CUBN: variants seen among roughly 807,000 people sequenced by gnomAD.
CUBN encodes the protein 460 kDa receptor.
A neutral mutation model predicts 405.3 loss-of-function variants in CUBN; 282 were observed. The ratio of observed to expected loss-of-function variants is 0.70; its 90% CI spans 0.63 to 0.77. The LOEUF is 0.77. CUBN is among the 30% of genes least tolerant of loss of function. The pLI, the probability that CUBN is intolerant of heterozygous loss-of-function variation, is 0.00. For missense variants in CUBN, 4,514 were observed against 4,475.2 expected (o/e 1.01, Z -0.25); for synonymous variants, 1,684 against 1,617.0 (o/e 1.04, Z -0.99).
chr10:17,128,312 G>A (rs1379746119), intron 2 of CUBN, among the ~76,000 whole-genome samples: 1 of 152,190 alleles, frequency 6.6e-6, no homozygotes, highest in Admixed American at 6.5e-5. Context: ...AAACTAGGGT[G>A]ACAATAAAGG....
intron 13 of CUBN, 71 bp from the exon 14 acceptor site, chr10:17,100,310 T>A: frequency 9.6e-7 from 1 of 1,039,160 alleles, no homozygotes; most frequent in Non-Finnish European, 1.5e-6. Context: ...TCCCACTTCC[T>A]AGGCAGCATT....
intron 64 of CUBN, among the ~76,000 whole-genome samples, chr10:16,833,230 C>A (rs1311723537): frequency 6.6e-6 from 1 of 152,192 alleles, no homozygotes; most frequent in Non-Finnish European, 1.5e-5. Context: ...ATTCTTTCTG[C>A]TTTACACTTC....
chr10:16,943,987 A>T (rs1206516363), intron 36 of CUBN, among the ~76,000 whole-genome samples: 3 of 152,244 alleles, frequency 2.0e-5, no homozygotes, highest in Non-Finnish European at 4.4e-5. Flanking sequence ...TTTTATAAGC[A>T]ACTACACCCT....
chr10:17,048,235 A>G (rs1835183881), intron 22 of CUBN, among the ~76,000 whole-genome samples: 1 of 152,268 alleles, frequency 6.6e-6, no homozygotes, highest in South Asian at 2.1e-4. Flanking sequence ...AGCCCATGAT[A>G]TGCACTCAGT....
At position 16,948,491 on chromosome 10, in the gene CUBN, GGT is replaced by G; in HGVS notation, c.5194_5195del (p.Thr1732ArgfsTer14). On this transcript the variant is annotated frameshift_variant, in exon 35 of 67. Transcript: ENST00000377833. LOFTEE classifies it high-confidence loss of function. ...AGGGTTTCTTACCCGACACTGATGC[GGT>G]GACCGTGGTGTGGAAACCCCCAGCA... is the stretch of plus-strand genomic sequence containing the variant. Reference protein sequence around the residue: ...ISAGGFHTTVTASVSACGGTF... With the variant: ...ISAGGFHTTVXASVSACGGTF... 6.2e-7 allele frequency: 1 copy of G among 1,613,920 alleles called. No homozygotes were observed. The highest frequency in any genetic ancestry group is 8.5e-7 in the Non-Finnish European group (1 of 1,179,936).
At chr10:17,086,147 G>A (rs1258228042) in intron 15 of CUBN, among the ~76,000 whole-genome samples, 5 of 152,030 alleles carry the variant, frequency 3.3e-5, no homozygotes, top group Non-Finnish European at 7.4e-5. Context: ...TGTATTTTTA[G>A]TAGAGACAGG....
At chr10:16,855,303 G>C (rs1210160062) in intron 59 of CUBN, among the ~76,000 whole-genome samples, 1 of 151,904 alleles carries the variant, frequency 6.6e-6, no homozygotes, top group African/African-American at 2.4e-5. Flanking sequence ...AAAATGGAGA[G>C]TATATTTTTC....
intron 64 of CUBN, 81 bp from the exon 65 acceptor site, chr10:16,831,498 A>T: frequency 8.0e-7 from 1 of 1,257,334 alleles, no homozygotes; most frequent in Admixed American, 1.7e-5. Context: ...AATTTGAATG[A>T]TGACATTGGT....
chr10:17,071,916 T>C lies in CUBN; in HGVS notation c.2357A>G (p.His786Arg). The change falls in exon 18 of 67, where the codon CAC becomes CGC. Residue 786 changes from histidine (H) to arginine (R), a missense_variant. By Grantham distance (29) the His-to-Arg change is conservative. Around this residue, in one of 5 missense-constraint regions of CUBN, gnomAD observed 1,448 missense variants for 1,388.0 expected, o/e 1.04. Coordinates refer to ENST00000377833, the MANE Select transcript of CUBN (RefSeq NM_001081.4). ...GACACTATTAGTAATGGATTTAATG[T>C]GAGAGATGGTTCCGTTGCCACAGAC... ...GKVCGNGTIS[H>R]IKSITNSVWI... 1 of 1,613,324 alleles carries C rather than the reference T, an allele frequency of 6.2e-7. No individual in the cohort carries two copies. Among genetic ancestry groups the C allele is most frequent in the Non-Finnish European group, 8.5e-7 (1 of 1,179,666 alleles).
rs149272796 is a variant in CUBN at position 16,899,055 on chromosome 10, A to T, written c.8539T>A (p.Phe2847Ile). 2 of 1,613,816 alleles carry T rather than the reference A, an allele frequency of 1.2e-6. No individual in the cohort carries two copies. The stretch of plus-strand genomic sequence containing the variant: ...CTGGGGATTAGGAAGTTGTTGTCAA[A>T]GCTGATCTCCAAGTGTTTACTTTTG... ...THKSKHLEIS[F>I]DNNFLIPSGD... The change falls in exon 54 of 67, where the codon TTT becomes ATT. Residue 2847 changes from phenylalanine to isoleucine, a missense_variant. This residue lies in a region of CUBN where 1,186 missense variants were observed against 1,186.9 expected (regional missense o/e 1.00). Transcript: ENST00000377833.
chr10:17,007,146 C>T (rs1030890933), intron 28 of CUBN, among the ~76,000 whole-genome samples: 10 of 152,192 alleles, frequency 6.6e-5, no homozygotes, highest in Non-Finnish European at 1.3e-4. Context: ...TTCACACAGC[C>T]TGCGGAAACT....
intron 58 of CUBN, among the ~76,000 whole-genome samples, chr10:16,872,311 G>A (rs1027726606): frequency 6.7e-6 from 1 of 149,760 alleles, no homozygotes; most frequent in Non-Finnish European, 1.5e-5. Flanking sequence ...CAGGATCCAG[G>A]CTGAAAACTG....
intron 29 of CUBN, among the ~76,000 whole-genome samples, chr10:16,988,312 G>A (rs763696077): frequency 6.6e-6 from 1 of 152,178 alleles, no homozygotes; most frequent in East Asian, 1.9e-4. Flanking sequence ...CCTTGCAGGC[G>A]AGCGAGGCCA....
intron 51 of CUBN, among the ~76,000 whole-genome samples, chr10:16,902,081 C>A (rs1406137193): frequency 6.7e-5 from 8 of 120,102 alleles, no homozygotes; most frequent in East Asian, 2.3e-4. Flanking sequence ...ACACACACAC[C>A]ATATATAGTA....
At chr10:17,123,518 G>T in intron 5 of CUBN, 70 bp downstream of exon 5, 1 of 1,135,176 alleles carries the variant, frequency 8.8e-7, no homozygotes, top group Non-Finnish European at 1.3e-6. Flanking sequence ...AATTAAATAT[G>T]CCTGATGATT....
chr10:16,829,976 C>G (rs190702815), intron 65 of CUBN, among the ~76,000 whole-genome samples: 2 of 151,306 alleles, frequency 1.3e-5, no homozygotes, highest in Non-Finnish European at 2.9e-5. Flanking sequence ...TGCTCCGTCA[C>G]CCAGGCTGGA....
At chr10:16,962,012 G>A (rs559992223) in intron 31 of CUBN, among the ~76,000 whole-genome samples, 5 of 152,040 alleles carry the variant, frequency 3.3e-5, no homozygotes, top group South Asian at 2.1e-4. Flanking sequence ...GCGCCCGGCC[G>A]GAAAAGCAAT....
rs769528600 is a variant in CUBN at position 16,915,865 on chromosome 10, C to A, written c.7166G>T (p.Gly2389Val). The stretch of plus-strand genomic sequence containing the variant: ...GATCTCCACGAAGTCTTTTTCACAG[C>A]CAGAAGAATTCTGAAGGTTAAAGTC... ...FEDFNLQNSS[G>V]CEKDFVEIWD... is the part of the protein sequence containing the mutation. The change falls in exon 46 of 67, where the codon GGC (glycine) becomes GTC (valine). Residue 2389 changes from glycine to valine, a missense_variant. Gly to Val is a moderately radical substitution (Grantham distance 109). Transcript: ENST00000377833. 2.5e-6 allele frequency: 4 copies of A among 1,613,896 alleles called. No homozygotes were observed. Among genetic ancestry groups the A allele is most frequent in the South Asian group, 1.1e-5 (1 of 91,070 alleles).
intron 59 of CUBN, among the ~76,000 whole-genome samples, chr10:16,855,275 C>G (rs974867990): frequency 1.3e-5 from 2 of 151,916 alleles, no homozygotes; most frequent in Admixed American, 1.3e-4. Flanking sequence ...TCTTCAGTAT[C>G]TCTCTTTGCA....
Sources: gnomAD v4.1 joint callset for allele counts (sites outside exome capture counted in the v4.1 genomes callset) on GRCh38, gnomAD v4.1.1 for gene constraint, gnomAD v4.1.1 regional missense constraint, MANE v1.5 for transcripts, NCBI Gene and HGNC (gene_info 2026-07-23, HGNC 2026-07-21) for gene names.